The following PSTPIP1 variants were observed in gnomAD, a reference collection of about 807,000 sequenced individuals.
PSTPIP1 encodes the protein proline-serine-threonine phosphatase-interacting protein 1.
Under a neutral mutation model 69.6 loss-of-function variants are expected in PSTPIP1, and 66 were observed. The ratio of observed to expected loss-of-function variants is 0.95; its 90% CI spans 0.78 to 1.16. The LOEUF is 1.16. Ranked by LOEUF, PSTPIP1 falls within the 50% of genes most tolerant of loss-of-function variation. PSTPIP1 has a pLI of 0.00. For synonymous variants in PSTPIP1, 266 were observed against 222.7 expected (o/e 1.19, Z -1.73); for missense variants, 603 against 557.4 (o/e 1.08, Z -0.82).
chr15:77,006,449 T>G (rs1055097056), intron 1 of PSTPIP1, among the ~76,000 whole-genome samples: 2 of 152,242 alleles, frequency 1.3e-5, no homozygotes, highest in African/African-American at 4.8e-5. Flanking sequence ...GTTTTTCATT[T>G]TGATGAATTC....
intron 3 of PSTPIP1, among the ~76,000 whole-genome samples, chr15:77,018,766 C>T (rs970446862): frequency 1.4e-4 from 22 of 152,156 alleles, no homozygotes; most frequent in Admixed American, 8.5e-4. Flanking sequence ...AGGAGGCCAT[C>T]CATCCTCAGT....
intron 1 of PSTPIP1, among the ~76,000 whole-genome samples, chr15:77,000,184 T>C (rs1255867339): frequency 6.6e-6 from 1 of 152,096 alleles, no homozygotes. Context: ...CGCTGCCGAG[T>C]GGGGCAGTGA....
intron 5 of PSTPIP1, among the ~76,000 whole-genome samples, chr15:77,026,670 C>T (rs1412857130): frequency 1.3e-5 from 2 of 152,242 alleles, no homozygotes; most frequent in South Asian, 2.1e-4. Flanking sequence ...CGTGGCTGCC[C>T]GTGCCACCTG....
intron 6 of PSTPIP1, 30 bp from the exon 7 acceptor site, chr15:77,028,524 C>A (rs1439684132): frequency 1.3e-6 from 2 of 1,547,438 alleles, no homozygotes; most frequent in Non-Finnish European, 8.8e-7. Flanking sequence ...GGCTGTGCAG[C>A]CCCCAAGTCA....
In PSTPIP1 at chr15:77,004,104, T is replaced by C. The variant is rs79289903; in HGVS notation, c.36+8495T>C. Among the ~76,000 whole-genome samples the C allele has an allele frequency of 5.8e-3, 890 of 152,374 alleles. 9 individuals are homozygous for C. The highest frequency in any genetic ancestry group is 0.021 in the African/African-American group (856 of 41,582). ...TAGTCCTGTGAGGTCAGTATTCTTA[T>C]TCCTGTTTTACAGAGAGGAAACTGA... On this transcript the variant is annotated intron_variant, in intron 1 of 14. Coordinates refer to ENST00000558012, the MANE Select transcript of PSTPIP1 (RefSeq NM_003978.5).
chr15:77,008,609 C>T (rs1437077426), intron 1 of PSTPIP1, among the ~76,000 whole-genome samples: 1 of 152,178 alleles, frequency 6.6e-6, no homozygotes, highest in East Asian at 1.9e-4. Flanking sequence ...GGGGTTTCAT[C>T]ATGTTGACCA....
chr15:77,032,866 G>A lies in PSTPIP1; in HGVS notation c.843G>A (p.Pro281=), dbSNP rs1351984397. The A allele has an allele frequency of 5.1e-6, 8 of 1,581,778 alleles. No homozygotes were observed. The highest frequency in any genetic ancestry group is 2.7e-5 in the African/African-American group (2 of 74,230). The change falls in exon 12 of 15, where the codon CCG becomes CCA. Residue 281 remains proline, a synonymous_variant. Transcript: ENST00000558012. ...AKSTGTEPPA[P]VPYQNYYDRE... ...CTCACGGCTTGCTGTCTGCAGCTCC[G>A]GTGCCCTACCAGAACTATTACGATC...
At chr15:77,032,446 G>T in intron 11 of PSTPIP1, 52 bp downstream of exon 11, 1 of 1,585,142 alleles carries the variant, frequency 6.3e-7, no homozygotes, top group East Asian at 2.2e-5. Context: ...GAGCCCCTGG[G>T]AAGGCCCGGC....
chr15:77,005,674 C>T (rs978501009), intron 1 of PSTPIP1, among the ~76,000 whole-genome samples: 1 of 152,216 alleles, frequency 6.6e-6, no homozygotes, highest in Admixed American at 6.5e-5. Context: ...TGTTCTACCT[C>T]GATTCTACTT....
Position 77,025,556 on chromosome 15 carries a change from G to T in PSTPIP1, c.306G>T (p.Leu102=). The change falls in exon 5 of 15, where the codon CTG becomes CTT. Residue 102 remains leucine, a synonymous_variant. Transcript: ENST00000558012. ...TGGCCCTGACCCTGCGTGAGGAGCT[G>T]CGGAGTCTCGAGGAGTTTCGTGAGA... ...IQLALTLREE[L]RSLEEFRERQ... 1 of 1,554,458 alleles carries T rather than the reference G, an allele frequency of 6.4e-7. No individual in the cohort carries two copies. Among genetic ancestry groups the T allele is most frequent in the Non-Finnish European group, 8.7e-7 (1 of 1,148,682 alleles).
At position 77,027,715 on chromosome 15, in the gene PSTPIP1, G is replaced by A; in HGVS notation, c.355-137G>A. ...CACTGTGAAGCAGCAGGCTCTGGGG[G>A]AGGGAGGGCAGCCTGTCACCCTCTC... On this transcript the variant is annotated intron_variant, in intron 5 of 14. Transcript: ENST00000558012. This position sits in a 1 kb window ranked among gnomAD's most constrained non-coding sequence, Gnocchi z 4.3. The A allele has an allele frequency of 2.1e-6, 2 of 952,920 alleles. No homozygotes were observed. The highest frequency in any genetic ancestry group is 2.1e-4 in the Middle Eastern group (1 of 4,792). The allele number at this position is 952,920 out of a possible 1,614,324, so 59.0% of individuals were successfully genotyped here.
At chr15:77,028,833 A>T (rs1251493058) in intron 7 of PSTPIP1, among the ~76,000 whole-genome samples, 181 bp downstream of exon 7, 1 of 152,212 alleles carries the variant, frequency 6.6e-6, no homozygotes, top group Non-Finnish European at 1.5e-5. Context: ...CAGGCCATGG[A>T]CAGGCAGGTC....
rs761045877 is a variant in PSTPIP1, at chr15:77,029,689, G to A, written c.562+115G>A. 6.8e-5 allele frequency: 81 copies of A among 1,185,890 alleles called. 1 individual carries two copies. The highest frequency in any genetic ancestry group is 1.5e-4 in the Admixed American group (6 of 40,194). The allele number at this position is 1,185,890 out of a possible 1,614,324, so 73.5% of individuals were successfully genotyped here. On this transcript the variant is annotated intron_variant, in intron 8 of 14. Coordinates refer to ENST00000558012, the MANE Select transcript of PSTPIP1 (RefSeq NM_003978.5). Reference sequence around the variant, plus strand: ...TCCCCCTGGCTGCACAATCATGGGCGCGGCGCTCTCATTCCAGATATGTGC... The same window carrying A: ...TCCCCCTGGCTGCACAATCATGGGCACGGCGCTCTCATTCCAGATATGTGC...
At chr15:76,994,838 G>A, upstream of PSTPIP1, 1 of 1,289,138 alleles carries the variant, frequency 7.8e-7, no homozygotes, top group Non-Finnish European at 1.0e-6. Context: ...AGAATGACTT[G>A]CTAGTGCGGG....
intron 3 of PSTPIP1, among the ~76,000 whole-genome samples, chr15:77,021,610 C>T (rs759806972): frequency 2.0e-5 from 3 of 152,100 alleles, no homozygotes; most frequent in South Asian, 4.1e-4. Context: ...ACCTGGGAGA[C>T]GGAGGTTGCA....
intron 2 of PSTPIP1, 62 bp from the exon 3 acceptor site, chr15:77,018,395 C>T (rs2076093864): frequency 1.9e-6 from 3 of 1,547,432 alleles, no homozygotes; most frequent in Non-Finnish European, 1.7e-6. Flanking sequence ...TTCCCTCAAA[C>T]CTGGGCCTCC....
intron 9 of PSTPIP1, 43 bp downstream of exon 9, chr15:77,030,624 T>G: frequency 1.3e-6 from 2 of 1,548,532 alleles, no homozygotes; most frequent in Non-Finnish European, 1.8e-6. Flanking sequence ...AGCTGGGAAG[T>G]GTGAGACGCC....
At chr15:77,030,461 G>A (rs1265275965) in intron 8 of PSTPIP1, 41 bp from the exon 9 acceptor site, 3 of 1,594,102 alleles carry the variant, frequency 1.9e-6, no homozygotes, top group African/African-American at 2.7e-5. Flanking sequence ...GGGTGGAGGA[G>A]CTCGTGTCAG....
intron 1 of PSTPIP1, among the ~76,000 whole-genome samples, chr15:77,015,262 T>G (rs1488212303): frequency 6.6e-6 from 1 of 152,214 alleles, no homozygotes. Context: ...AAATGGCTGA[T>G]GTAGGTATAT....
Sources: gnomAD v4.1 joint callset for allele counts (sites outside exome capture counted in the v4.1 genomes callset) on GRCh38, gnomAD v4.1.1 for gene constraint, Gnocchi (gnomAD v3.1) non-coding constraint, MANE v1.5 for transcripts, NCBI Gene and HGNC (gene_info 2026-07-23, HGNC 2026-07-21) for gene names.